DOCK7: variants seen among roughly 807,000 people sequenced by gnomAD.
DOCK7 encodes the protein dedicator of cytokinesis protein 7.
In DOCK7, 138 loss-of-function variants were observed where a neutral mutation model predicts 271.0. The ratio of observed to expected loss-of-function variants is 0.51; its 90% CI spans 0.44 to 0.59. DOCK7 has a LOEUF of 0.59. Ranked by LOEUF, DOCK7 falls within the 20% of genes least tolerant of loss-of-function variation. The pLI is 0.00. For missense variants in DOCK7, 2,066 were observed against 2,592.4 expected (o/e 0.80, Z 4.41); for synonymous variants, 823 against 876.1 (o/e 0.94, Z 1.07).
intron 7 of DOCK7, 133 bp downstream of exon 7, chr1:62,647,558 A>T: frequency 1.5e-6 from 1 of 655,044 alleles, no homozygotes; most frequent in Non-Finnish European, 2.7e-6. Context: ...AATAGTATTT[A>T]AAATGACATG....
chr1:62,574,721 A>G (rs1179160977), intron 18 of DOCK7, among the ~76,000 whole-genome samples: 1 of 152,028 alleles, frequency 6.6e-6, no homozygotes, highest in African/African-American at 2.4e-5. Context: ...ACCACATAGA[A>G]ATATTTTTTT....
intron 11 of DOCK7, among the ~76,000 whole-genome samples, chr1:62,631,027 A>T (rs1325479025): frequency 1.3e-5 from 2 of 151,982 alleles, no homozygotes; most frequent in African/African-American, 4.8e-5. Flanking sequence ...TCTACTAAAA[A>T]TACAAAAATT....
At chr1:62,679,084 T>C (rs973140618) in intron 1 of DOCK7, among the ~76,000 whole-genome samples, 4 of 152,054 alleles carry the variant, frequency 2.6e-5, no homozygotes, top group African/African-American at 9.7e-5. Context: ...GGCAGATTAA[T>C]GGGGAAAGGA....
At chr1:62,653,410 C>T (rs1489393924) in intron 4 of DOCK7, among the ~76,000 whole-genome samples, 2 of 152,070 alleles carry the variant, frequency 1.3e-5, no homozygotes, top group African/African-American at 4.8e-5. Flanking sequence ...TTGAGAAATA[C>T]AAATTATTCA....
At chr1:62,671,384 G>A (rs1435772463) in intron 1 of DOCK7, among the ~76,000 whole-genome samples, 1 of 152,194 alleles carries the variant, frequency 6.6e-6, no homozygotes, top group Non-Finnish European at 1.5e-5. Context: ...GACTAAGAAT[G>A]CTTGAATGGA....
intron 2 of DOCK7, among the ~76,000 whole-genome samples, chr1:62,656,692 G>A (rs1415550765): frequency 6.6e-6 from 1 of 151,452 alleles, no homozygotes; most frequent in South Asian, 2.1e-4. Flanking sequence ...CCAGGGAATG[G>A]CATGACAGTG....
At chr1:62,539,725 G>C in intron 26 of DOCK7, 27 bp downstream of exon 26, 18 of 1,611,470 alleles carry the variant, frequency 1.1e-5, no homozygotes, top group Non-Finnish European at 1.4e-5. Context: ...TTGAAAGAGA[G>C]ATAAGTGGGG....
At chr1:62,468,099 G>A (rs145411061) in intron 48 of DOCK7, among the ~76,000 whole-genome samples, 14 of 152,036 alleles carry the variant, frequency 9.2e-5, no homozygotes, top group Non-Finnish European at 1.5e-4. Flanking sequence ...GGTGGCTCAC[G>A]CCTGTAATTC....
chr1:62,594,405 T>C (rs1227993393), intron 14 of DOCK7, among the ~76,000 whole-genome samples: 1 of 152,090 alleles, frequency 6.6e-6, no homozygotes, highest in Admixed American at 6.6e-5. Flanking sequence ...GACAATATAC[T>C]AGAAACCAAG....
chr1:62,553,373 T>A (rs1171535971), intron 21 of DOCK7, among the ~76,000 whole-genome samples: 556 of 6,894 alleles, frequency 0.081, 1 homozygote, highest in East Asian at 0.12. Context: ...TTTTTTTTTT[T>A]TTTTTTTTTT....
chr1:62,558,410 G>C (rs1384278901), intron 20 of DOCK7, among the ~76,000 whole-genome samples: 1 of 152,078 alleles, frequency 6.6e-6, no homozygotes, highest in Non-Finnish European at 1.5e-5. Context: ...TTTCTTTCAA[G>C]TTCAACTTCC....
chr1:62,631,107 C>T (rs1571838306), intron 11 of DOCK7, 133 bp downstream of exon 11: 2 of 661,174 alleles, frequency 3.0e-6, no homozygotes, highest in Admixed American at 3.7e-5. Context: ...ATTGCTTGAA[C>T]CCCGGTGGCA....
At chr1:62,604,965 T>C in intron 14 of DOCK7, 2 of 728,480 alleles carry the variant, frequency 2.7e-6, no homozygotes, top group Non-Finnish European at 2.3e-6. Flanking sequence ...AGATTAAACA[T>C]ACAATCACAT....
chr1:62,533,490 G>T (rs967315767), intron 29 of DOCK7, among the ~76,000 whole-genome samples: 1 of 151,632 alleles, frequency 6.6e-6, no homozygotes, highest in African/African-American at 2.4e-5. Flanking sequence ...ATACAAAAGT[G>T]GCGCCAAGCA....
At chr1:62,682,954 C>A (rs1237454874) in intron 1 of DOCK7, among the ~76,000 whole-genome samples, 1 of 152,096 alleles carries the variant, frequency 6.6e-6, no homozygotes, top group Admixed American at 6.5e-5. Flanking sequence ...GCTTTAGGAA[C>A]AAGAGACCTT....
intron 43 of DOCK7, chr1:62,482,954 C>A (rs1406626247): frequency 6.6e-6 from 1 of 151,884 alleles, no homozygotes; most frequent in Non-Finnish European, 1.5e-5. Context: ...ATGTCCCAGT[C>A]CGAAAAAAAG....
intron 7 of DOCK7, among the ~76,000 whole-genome samples, 193 bp downstream of exon 7, chr1:62,647,498 C>T (rs560109125): frequency 3.0e-4 from 46 of 152,228 alleles, no homozygotes; most frequent in African/African-American, 6.0e-4. Flanking sequence ...TTCATAAATA[C>T]GTTAGGCTTA....
intron 2 of DOCK7, among the ~76,000 whole-genome samples, chr1:62,661,001 A>AT (rs937642535): frequency 6.6e-6 from 1 of 152,012 alleles, no homozygotes; most frequent in Non-Finnish European, 1.5e-5. Context: ...CAGGAGGCTG[A>AT]TATGGGAGGA....
intron 7 of DOCK7, among the ~76,000 whole-genome samples, chr1:62,638,582 AAT>A (rs1019439735): frequency 9.4e-5 from 14 of 148,280 alleles, no homozygotes; most frequent in African/African-American, 3.4e-4. Flanking sequence ...TATTTTCATG[AAT>A]ATATATTTTC....
Sources: gnomAD v4.1 joint callset for allele counts (sites outside exome capture counted in the v4.1 genomes callset) on GRCh38, gnomAD v4.1.1 for gene constraint, MANE v1.5 for transcripts, NCBI Gene and HGNC (gene_info 2026-07-23, HGNC 2026-07-21) for gene names.